ABL1: variants seen among roughly 807,000 people sequenced by gnomAD.
ABL1 encodes the protein tyrosine-protein kinase ABL1.
A neutral mutation model predicts 94.7 loss-of-function variants in ABL1; 11 were observed. The observed-to-expected ratio is 0.12, with a 90% CI of 0.07 to 0.19. The LOEUF (loss-of-function observed/expected upper bound fraction) is 0.19, where lower values mean the gene tolerates loss of function less well. Ranked by LOEUF, ABL1 falls within the 10% of genes least tolerant of loss-of-function variation. The probability of loss-of-function intolerance (pLI) is 1.00; values close to 1 mark genes in which losing one functional copy is unlikely to be tolerated. For synonymous variants in ABL1, 656 were observed against 622.4 expected, an observed-to-expected ratio of 1.05 and a Z score of -0.80; for missense variants, 1,082 against 1,489.4, an observed-to-expected ratio of 0.73 and a Z score of 4.50.
At chr9:130,833,432 C>T (rs1210653120), upstream of ABL1, among the ~76,000 whole-genome samples, 1 of 152,166 alleles carries the variant, frequency 6.6e-6, no homozygotes, top group Non-Finnish European at 1.5e-5. Flanking sequence ...TTCAAGACAA[C>T]ACTAAACATG....
intron 7 of ABL1, among the ~76,000 whole-genome samples, chr9:130,877,414 G>A (rs752453027): frequency 1.4e-5 from 2 of 147,976 alleles, no homozygotes; most frequent in Non-Finnish European, 3.0e-5. Context: ...AGATAGTCTT[G>A]TGCACCCAGA....
upstream of ABL1, chr9:130,834,099 G>A (rs1054204975): frequency 2.6e-5 from 12 of 455,876 alleles, no homozygotes; most frequent in Non-Finnish European, 5.3e-5. Flanking sequence ...ACTTCTCTGA[G>A]CATCTGTGGG....
intron 1 of ABL1, among the ~76,000 whole-genome samples, chr9:130,729,359 C>T (rs1043332970): frequency 6.6e-6 from 1 of 152,180 alleles, no homozygotes; most frequent in Non-Finnish European, 1.5e-5. Context: ...TTCTGCCTAC[C>T]TCTGTGTTCT....
At chr9:130,772,380 T>C (rs1046291436) in intron 1 of ABL1, among the ~76,000 whole-genome samples, 2 of 152,234 alleles carry the variant, frequency 1.3e-5, no homozygotes, top group Non-Finnish European at 2.9e-5. Flanking sequence ...TGTGCTACTG[T>C]AGACTCACAG....
At chr9:130,844,751 A>C (rs1010599492) in intron 1 of ABL1, among the ~76,000 whole-genome samples, 4 of 152,172 alleles carry the variant, frequency 2.6e-5, no homozygotes, top group African/African-American at 9.7e-5. Flanking sequence ...AAGTGAGCCA[A>C]GATCGCGCCA....
intron 1 of ABL1, among the ~76,000 whole-genome samples, chr9:130,728,230 A>ATTCTTTTTT (rs1831614248): frequency 2.9e-5 from 3 of 102,636 alleles, no homozygotes; most frequent in Admixed American, 2.2e-4. Context: ...TGTCCAGCTG[A>ATTCTTTTTT]TTTTTTTTTT....
chr9:130,879,642 G>A lies in ABL1; in HGVS notation c.1424-426G>A, dbSNP rs373818673. ...ACGCATATGGGAGTGACTGTTCCTG[G>A]TCCCCAGTACTAGGCTTTGTCAGTC... On this transcript the variant is annotated intron_variant, in intron 8 of 10. Coordinates refer to ENST00000318560, the MANE Select transcript of ABL1 (RefSeq NM_005157.6). Among the ~76,000 whole-genome samples the A allele has an allele frequency of 3.3e-5, 5 of 152,146 alleles. No individual in the cohort carries two copies. In the South Asian group the frequency reaches 1.0e-3, roughly 32 times the overall value.
At chr9:130,713,278 C>G (rs1831394274) in exon 1 of ABL1, among the ~76,000 whole-genome samples, 1 of 152,094 alleles carries the variant, frequency 6.6e-6, no homozygotes, top group South Asian at 2.1e-4. Context: ...GGGCTTGGGG[C>G]AGCTGAGGCG....
intron 1 of ABL1, among the ~76,000 whole-genome samples, chr9:130,754,670 G>A (rs1293131644): frequency 8.9e-6 from 1 of 111,934 alleles, no homozygotes; most frequent in Non-Finnish European, 1.7e-5. Flanking sequence ...GAGCAATCAA[G>A]TAATGGGGGG....
At chr9:130,853,170 C>CTTTTTTTTTTTTT (rs11418318) in intron 1 of ABL1, among the ~76,000 whole-genome samples, 2 of 75,338 alleles carry the variant, frequency 2.7e-5, no homozygotes, top group Non-Finnish European at 4.6e-5. Context: ...TTTGACTTTT[C>CTTTTTTTTTTTTT]TTTTTTTTTT....
chr9:130,879,288 T>C (rs1160467532), intron 8 of ABL1, among the ~76,000 whole-genome samples: 10 of 152,236 alleles, frequency 6.6e-5, no homozygotes, highest in Admixed American at 6.5e-4. Flanking sequence ...GGCCATTTCT[T>C]ACACTGTTTT....
chr9:130,829,402 A>G (rs1830464964), intron 1 of ABL1, among the ~76,000 whole-genome samples: 1 of 152,142 alleles, frequency 6.6e-6, no homozygotes. Flanking sequence ...TCTACTAAAA[A>G]TACAAAAAAA....
intron 1 of ABL1, among the ~76,000 whole-genome samples, chr9:130,716,129 C>T (rs1831436788): frequency 7.5e-6 from 1 of 133,706 alleles, no homozygotes; most frequent in Non-Finnish European, 1.5e-5. Flanking sequence ...GTGTGTCACC[C>T]AGGCTGGAGT....
chr9:130,815,376 C>G (rs929387223), intron 1 of ABL1, among the ~76,000 whole-genome samples: 2 of 152,124 alleles, frequency 1.3e-5, no homozygotes, highest in African/African-American at 4.8e-5. Flanking sequence ...ATCTTGTCCC[C>G]AGATCTGATA....
intron 1 of ABL1, among the ~76,000 whole-genome samples, chr9:130,747,210 A>C (rs192320442): frequency 6.8e-4 from 104 of 152,240 alleles, no homozygotes; most frequent in Non-Finnish European, 1.4e-3. Flanking sequence ...CCTTGTCTCT[A>C]CAAAAAATAT....
Position 130,880,240 on chromosome 9 carries a change from CCTG to C in ABL1, c.1513+84_1513+86del. On this transcript the variant is annotated intron_variant, in intron 9 of 10. Transcript: ENST00000318560. The surrounding 1 kb of genome is among the most constrained non-coding windows in gnomAD (Gnocchi z 4.4). ...GCAGCCTGGGTCATTCGGTTCACTTCCTGGTGAAAGTTCACAGACCAGCCTGTC... is the reference window on the plus strand; with the variant it reads ...GCAGCCTGGGTCATTCGGTTCACTTCGTGAAAGTTCACAGACCAGCCTGTC... 1 of 1,444,004 alleles carries C rather than the reference CCTG, an allele frequency of 6.9e-7. No individual in the cohort carries two copies. Among genetic ancestry groups the C allele is most frequent in the Non-Finnish European group, 9.7e-7 (1 of 1,027,066 alleles). 89.4% of individuals were successfully genotyped at this position (1,444,004 alleles called of 1,614,324 possible).
intron 1 of ABL1, among the ~76,000 whole-genome samples, chr9:130,813,560 CCAAAAAAAAA>C (rs1830241029): frequency 1.4e-5 from 1 of 71,638 alleles, no homozygotes; most frequent in African/African-American, 7.1e-5. Flanking sequence ...GACTCCATCT[CCAAAAAAAAA>C]AAAAAAAAAA....
At chr9:130,804,993 G>A (rs1431481122) in intron 1 of ABL1, among the ~76,000 whole-genome samples, 2 of 152,146 alleles carry the variant, frequency 1.3e-5, no homozygotes, top group African/African-American at 4.8e-5. Flanking sequence ...CTCCTCATAA[G>A]GTTTTCTTTT....
chr9:130,731,324 A>G (rs887632514), intron 1 of ABL1, among the ~76,000 whole-genome samples: 2 of 151,954 alleles, frequency 1.3e-5, no homozygotes, highest in Non-Finnish European at 2.9e-5. Flanking sequence ...CACTCTCTTA[A>G]TGGTGTCTTT....
Sources: allele counts gnomAD v4.1 joint callset (sites outside exome capture counted in the v4.1 genomes callset), GRCh38; gene constraint gnomAD v4.1.1; non-coding constraint Gnocchi (gnomAD v3.1); transcripts MANE v1.5; gene names NCBI Gene and HGNC (gene_info 2026-07-23, HGNC 2026-07-21).